Variants in SLFN12L observed in about 807,000 individuals in gnomAD.
SLFN12L encodes schlafen family member 12-like.
In SLFN12L, 34 loss-of-function variants were observed where a neutral mutation model predicts 34.8. That is an observed-to-expected ratio of 0.98 (90% CI 0.74 to 1.30). The LOEUF (loss-of-function observed/expected upper bound fraction) is 1.30. Among genes scored for constraint, SLFN12L ranks in the 50% most tolerant of loss-of-function variants. The pLI is 0.00. For missense variants in SLFN12L, 703 were observed against 696.2 expected (o/e 1.01, Z -0.11); for synonymous variants, 259 against 247.5 (o/e 1.05, Z -0.44).
At chr17:35,515,062 T>G in intron 2 of SLFN12L, 1 of 601,394 alleles carries the variant, frequency 1.7e-6, no homozygotes, top group Non-Finnish European at 3.3e-6. Context: ...TTCTGTTTCT[T>G]TCTTTATTCT....
intron 2 of SLFN12L, among the ~76,000 whole-genome samples, chr17:35,487,195 C>A (rs1397348484): frequency 2.0e-5 from 3 of 152,276 alleles, no homozygotes; most frequent in African/African-American, 4.8e-5. Flanking sequence ...CCCACTTCTC[C>A]AGCTCTGCAC....
chr17:35,532,523 GC>G (rs1219061703), intron 1 of SLFN12L, among the ~76,000 whole-genome samples: 2 of 151,552 alleles, frequency 1.3e-5, no homozygotes, highest in Non-Finnish European at 1.5e-5. Flanking sequence ...AGAATAAAAA[GC>G]CTGAGGGACG....
intron 2 of SLFN12L, among the ~76,000 whole-genome samples, chr17:35,520,786 A>T (rs1459324615): frequency 6.6e-6 from 1 of 152,004 alleles, no homozygotes; most frequent in African/African-American, 2.4e-5. Flanking sequence ...TGACCATGGG[A>T]CACTACACAC....
chr17:35,481,328 C>G (rs571878048), intron 2 of SLFN12L, among the ~76,000 whole-genome samples: 33 of 152,328 alleles, frequency 2.2e-4, no homozygotes, highest in Non-Finnish European at 4.3e-4. Flanking sequence ...CAGGCCTGCC[C>G]GCAGCCATCT....
In SLFN12L at chr17:35,467,965, A is replaced by G. The variant is rs991274237; in HGVS notation, c.*6958T>C. On this transcript the variant is annotated 3_prime_UTR_variant, in exon 5 of 5. Transcript: ENST00000628453. ...CACTCTGTTACCCAGGCTGGAGTGCAGTGGCGTGATCACGATTCACTCCCC... is the reference window on the plus strand; with the variant it reads ...CACTCTGTTACCCAGGCTGGAGTGCGGTGGCGTGATCACGATTCACTCCCC... 2.6e-5 allele frequency among the ~76,000 whole-genome samples: 4 copies of G among 152,322 alleles called. No individual in the cohort carries two copies. The highest frequency in any genetic ancestry group is 2.9e-5 in the Non-Finnish European group (2 of 68,024).
At chr17:35,520,813 C>T (rs1915974869) in intron 2 of SLFN12L, among the ~76,000 whole-genome samples, 1 of 152,102 alleles carries the variant, frequency 6.6e-6, no homozygotes, top group Admixed American at 6.6e-5. Context: ...CATGTTTACT[C>T]TCCATGCACA....
chr17:35,510,858 A>T (rs1915617236), intron 2 of SLFN12L, among the ~76,000 whole-genome samples: 1 of 151,078 alleles, frequency 6.6e-6, no homozygotes. Context: ...AAGAGAAAGG[A>T]TTCCTAAATT....
At chr17:35,493,499 G>C (rs1480939377) in intron 2 of SLFN12L, among the ~76,000 whole-genome samples, 1 of 152,140 alleles carries the variant, frequency 6.6e-6, no homozygotes, top group Non-Finnish European at 1.5e-5. Flanking sequence ...ATGTAATGCC[G>C]TATTTATTGT....
chr17:35,479,351 C>T lies in SLFN12L; in HGVS notation c.931G>A (p.Gly311Arg). ...KLEEVTKNSI[G>R]KLPVHHFCVE... The stretch of plus-strand genomic sequence containing the variant: ...CAGAAGTGATGCACAGGCAGTTTCC[C>T]AATGGAATTTTTTGTTACTTCTTCT... Residue 311 changes from glycine (G) to arginine (R), a missense_variant, in exon 3 of 5, where the codon GGG (glycine) becomes AGG (arginine). By Grantham distance (125) the Gly-to-Arg change is moderately radical (BLOSUM62 -2). Coordinates refer to ENST00000628453, the MANE Select transcript of SLFN12L (RefSeq NM_001363830.2). 4 of 1,591,914 alleles carry T rather than the reference C, an allele frequency of 2.5e-6. No individual in the cohort carries two copies. The highest frequency in any genetic ancestry group is 3.6e-5 in the Admixed American group (2 of 56,220).
chr17:35,535,844 C>T (rs1205397493), intron 1 of SLFN12L, among the ~76,000 whole-genome samples: 2 of 152,016 alleles, frequency 1.3e-5, no homozygotes, highest in Non-Finnish European at 2.9e-5. Flanking sequence ...TTAGTAGAGA[C>T]AGGGTTTTAC....
At position 35,474,920 on chromosome 17, in the gene SLFN12L, G is replaced by C. The variant is rs186011738; in HGVS notation, c.*3C>G. On this transcript the variant is annotated 3_prime_UTR_variant, in exon 5 of 5. Transcript: ENST00000628453. ...CACTCCAGTCTGGGTGACAGAGTGA[G>C]ACTCATCTCAAGAAAAAACAAACAA... 1.9e-6 allele frequency: 3 copies of C among 1,538,890 alleles called. No individual in the cohort carries two copies. Among genetic ancestry groups the C allele is most frequent in the Non-Finnish European group, 1.8e-6 (2 of 1,142,740 alleles).
Position 35,487,591 on chromosome 17 carries a change from G to C in SLFN12L, c.87-7396C>G, listed in dbSNP as rs548122650. 15 of 848,580 alleles carry C rather than the reference G, an allele frequency of 1.8e-5. 1 individual carries two copies. Among genetic ancestry groups the C allele is most frequent in the African/African-American group, 1.7e-4 (10 of 58,236 alleles). The allele number at this position is 848,580 out of a possible 1,614,324, so 52.6% of individuals were successfully genotyped here. Reference sequence around the variant, plus strand: ...TTCCTTGCAGGCGCTGTGCCAGCGCGGGCCCTTAAGCAACTGAAAGTTAAA... The same window carrying C: ...TTCCTTGCAGGCGCTGTGCCAGCGCCGGCCCTTAAGCAACTGAAAGTTAAA... On this transcript the variant is annotated intron_variant, in intron 2 of 4. Coordinates refer to ENST00000628453, the MANE Select transcript of SLFN12L (RefSeq NM_001363830.2).
chr17:35,467,203 G>A lies in SLFN12L; in HGVS notation c.*7720C>T, dbSNP rs752418444. On this transcript the variant is annotated 3_prime_UTR_variant, in exon 5 of 5. Coordinates refer to ENST00000628453, the MANE Select transcript of SLFN12L (RefSeq NM_001363830.2). Reference sequence around the variant, plus strand: ...TGAGTGAACAGCAATAGAAGTTCACGGACTATATGAATGGCACTGCCAACC... The same window carrying A: ...TGAGTGAACAGCAATAGAAGTTCACAGACTATATGAATGGCACTGCCAACC... Among the ~76,000 whole-genome samples, 4 of 152,278 alleles carry A rather than the reference G, an allele frequency of 2.6e-5. No homozygotes were observed. The highest frequency in any genetic ancestry group is 1.9e-4 in the East Asian group (1 of 5,184).
In SLFN12L at chr17:35,475,575, C is replaced by T. The variant is rs186156464; in HGVS notation, c.1277-90G>A. On this transcript the variant is annotated intron_variant, in intron 4 of 4. Transcript: ENST00000628453. Reference sequence around the variant, plus strand: ...AAGCAGCTTGTATTAGATTAATTCTCCCACCAAAAGCAACTATAAAAGCTA... The same window carrying T: ...AAGCAGCTTGTATTAGATTAATTCTTCCACCAAAAGCAACTATAAAAGCTA... 2,226 of 1,449,116 alleles carry T rather than the reference C, an allele frequency of 1.5e-3. 3 individuals are homozygous for T. Among genetic ancestry groups the T allele is most frequent in the Admixed American group, 2.6e-3 (93 of 35,240 alleles). The allele number at this position is 1,449,116 out of a possible 1,614,324, so 89.8% of individuals were successfully genotyped here.
At chr17:35,475,931 A>T (rs12936954) in intron 4 of SLFN12L, among the ~76,000 whole-genome samples, 22,555 of 145,998 alleles carry the variant, frequency 0.15, 1,876 homozygotes, top group South Asian at 0.26. Context: ...ATATTTTTTT[A>T]AATTTATATA....
chr17:35,490,021 C>T, intron 2 of SLFN12L: 4 of 1,598,952 alleles, frequency 2.5e-6, no homozygotes, highest in East Asian at 2.2e-5. Context: ...AGATCCTCAC[C>T]ACGAACACTT....
intron 2 of SLFN12L, among the ~76,000 whole-genome samples, chr17:35,518,886 G>GACACATGC (rs1463387821): frequency 2.6e-5 from 4 of 152,120 alleles, no homozygotes; most frequent in Non-Finnish European, 5.9e-5. Context: ...CTACTATAAA[G>GACACATGC]ACACATGCAC....
chr17:35,523,282 T>C (rs1246782686), intron 1 of SLFN12L, among the ~76,000 whole-genome samples: 3 of 152,130 alleles, frequency 2.0e-5, no homozygotes, highest in African/African-American at 7.2e-5. Flanking sequence ...AGAGTCTGGC[T>C]CATTGCAGCT....
chr17:35,536,512 C>A (rs181226031), intron 1 of SLFN12L, among the ~76,000 whole-genome samples: 1 of 152,038 alleles, frequency 6.6e-6, no homozygotes, highest in Non-Finnish European at 1.5e-5. Flanking sequence ...TTATATATTA[C>A]GAAAAACAAA....
Sources: allele counts gnomAD v4.1 joint callset (sites outside exome capture counted in the v4.1 genomes callset), GRCh38; gene constraint gnomAD v4.1.1; transcripts MANE v1.5; gene names NCBI Gene and HGNC (gene_info 2026-07-23, HGNC 2026-07-21).